PDE1C: variants seen among roughly 807,000 people sequenced by gnomAD.
The protein encoded by PDE1C is phosphodiesterase 1C, also known as dual specificity calcium/calmodulin-dependent 3',5'-cyclic nucleotide phosphodiesterase 1C.
In PDE1C, 62 loss-of-function variants were observed where a neutral mutation model predicts 93.1. The observed-to-expected ratio is 0.67, with a 90% CI of 0.54 to 0.82. The LOEUF is 0.82. PDE1C is among the 40% of genes least tolerant of loss of function. The probability of loss-of-function intolerance (pLI) is 0.00; values close to 1 mark genes in which losing one functional copy is unlikely to be tolerated. For synonymous variants in PDE1C, 325 were observed against 310.1 expected, an observed-to-expected ratio of 1.05 and a Z score of -0.50; for missense variants, 742 against 884.6, an observed-to-expected ratio of 0.84 and a Z score of 2.04.
upstream of PDE1C, among the ~76,000 whole-genome samples, chr7:32,301,702 C>T (rs889437730): frequency 2.0e-5 from 3 of 152,194 alleles, no homozygotes; most frequent in African/African-American, 7.2e-5. Context: ...CAAGACTGAG[C>T]TCAAAAGAAG....
chr7:31,937,048 G>C (rs756246114), intron 2 of PDE1C, among the ~76,000 whole-genome samples: 8 of 152,142 alleles, frequency 5.3e-5, no homozygotes, highest in Non-Finnish European at 1.2e-4. Flanking sequence ...TTTATTGACT[G>C]GCAATTGTAG....
At chr7:31,659,637 A>C in the PDE1C span, among the ~76,000 whole-genome samples, 3 of 152,136 alleles carry the variant, frequency 2.0e-5, no homozygotes, top group African/African-American at 7.2e-5. Flanking sequence ...AGAGCCATAC[A>C]TTTTGCTTTC....
chr7:32,355,021 A>G (rs1585122570), intron 1 of PDE1C, among the ~76,000 whole-genome samples: 1 of 152,188 alleles, frequency 6.6e-6, no homozygotes, highest in Non-Finnish European at 1.5e-5. Flanking sequence ...CGCTTCTCTC[A>G]GAGTCAGGAG....
intron 2 of PDE1C, among the ~76,000 whole-genome samples, chr7:32,043,671 C>T (rs985039038): frequency 2.0e-5 from 3 of 152,124 alleles, no homozygotes; most frequent in African/African-American, 7.2e-5. Flanking sequence ...GAGATTGAAG[C>T]ACTGATTAAA....
chr7:32,224,880 G>A (rs10233045), intron 1 of PDE1C, among the ~76,000 whole-genome samples: 61,884 of 151,502 alleles, frequency 0.41, 13,390 homozygotes, highest in East Asian at 0.65. Flanking sequence ...TACGTTAGAA[G>A]AAAAATAACC....
intron 2 of PDE1C, among the ~76,000 whole-genome samples, chr7:31,966,808 C>G (rs1454403035): frequency 6.6e-6 from 1 of 152,196 alleles, no homozygotes; most frequent in Non-Finnish European, 1.5e-5. Flanking sequence ...AAGAAACACA[C>G]TCAAAACCAC....
intron 2 of PDE1C, among the ~76,000 whole-genome samples, chr7:31,989,548 G>A (rs148054470): frequency 6.6e-6 from 1 of 152,178 alleles, no homozygotes; most frequent in East Asian, 1.9e-4. Flanking sequence ...ACAACAATGA[G>A]GTTTTTGCCT....
At chr7:31,790,283 A>G (rs1223414414) in intron 16 of PDE1C, 4 of 1,603,918 alleles carry the variant, frequency 2.5e-6, no homozygotes, top group Non-Finnish European at 3.4e-6. Context: ...AAAGAAAAAG[A>G]AAAGTGTCAA....
At chr7:32,009,715 G>A (rs922403563) in intron 2 of PDE1C, among the ~76,000 whole-genome samples, 3 of 152,106 alleles carry the variant, frequency 2.0e-5, no homozygotes, top group Non-Finnish European at 4.4e-5. Flanking sequence ...GAAAGAAAAC[G>A]TATGCAGACT....
At chr7:31,975,648 C>T (rs1297444301) in intron 2 of PDE1C, among the ~76,000 whole-genome samples, 1 of 152,224 alleles carries the variant, frequency 6.6e-6, no homozygotes, top group Middle Eastern at 3.4e-3. Flanking sequence ...AAGCCTGCTC[C>T]ACCACTTACT....
At chr7:32,038,011 T>C (rs1416905821) in intron 2 of PDE1C, among the ~76,000 whole-genome samples, 2 of 152,200 alleles carry the variant, frequency 1.3e-5, no homozygotes, top group Non-Finnish European at 2.9e-5. Flanking sequence ...GGACTGACTT[T>C]CATTTTGCAA....
intron 3 of PDE1C, among the ~76,000 whole-genome samples, chr7:32,085,129 G>A (rs964006237): frequency 7.3e-5 from 11 of 150,960 alleles, no homozygotes; most frequent in African/African-American, 2.7e-4. Context: ...GAAAAAAAGA[G>A]AGAAGAATCA....
chr7:32,245,827 C>A (rs1327528520), intron 1 of PDE1C, among the ~76,000 whole-genome samples: 1 of 152,126 alleles, frequency 6.6e-6, no homozygotes, highest in East Asian at 1.9e-4. Context: ...GACTAGCAAG[C>A]GCTCTGGGGT....
chr7:31,635,113 A>G, the PDE1C span, among the ~76,000 whole-genome samples: 1 of 152,160 alleles, frequency 6.6e-6, no homozygotes, highest in East Asian at 1.9e-4. Context: ...GTGATAAATG[A>G]TGTACATTTG....
chr7:32,413,037 A>G (rs1386777457), intron 1 of PDE1C, among the ~76,000 whole-genome samples: 1 of 152,198 alleles, frequency 6.6e-6, no homozygotes, highest in East Asian at 1.9e-4. Context: ...TGGGTTACAC[A>G]AGCGTATGCA....
chr7:31,631,098 T>C, the PDE1C span, among the ~76,000 whole-genome samples: 1 of 152,228 alleles, frequency 6.6e-6, no homozygotes, highest in African/African-American at 2.4e-5. Context: ...TTTTAAGGTA[T>C]ACCATTGTCA....
chr7:31,981,621 T>A (rs1812387679), intron 2 of PDE1C, among the ~76,000 whole-genome samples: 1 of 152,240 alleles, frequency 6.6e-6, no homozygotes, highest in Non-Finnish European at 1.5e-5. Context: ...CAAAATCTTG[T>A]CACTGCTTTA....
chr7:32,025,473 G>A (rs138066498), intron 2 of PDE1C, among the ~76,000 whole-genome samples: 1 of 152,188 alleles, frequency 6.6e-6, no homozygotes, highest in East Asian at 1.9e-4. Context: ...AACAGCTGAA[G>A]GACACTGCTC....
chr7:32,185,986 A>G (rs971060462), intron 2 of PDE1C, among the ~76,000 whole-genome samples: 5 of 134,646 alleles, frequency 3.7e-5, no homozygotes, highest in Non-Finnish European at 7.8e-5. Flanking sequence ...AAACTCTGCT[A>G]CTTTCCCATT....
Sources: allele counts gnomAD v4.1 joint callset (sites outside exome capture counted in the v4.1 genomes callset), GRCh38; gene constraint gnomAD v4.1.1; transcripts MANE v1.5; gene names NCBI Gene and HGNC (gene_info 2026-07-23, HGNC 2026-07-21).